Variants in TTN observed in about 807,000 individuals in gnomAD.
The protein encoded by TTN is titin, also known as connectin.
TTN carries 1,525 observed loss-of-function variants against 3,223.0 expected under a neutral mutation model. That is an observed-to-expected ratio of 0.47 (90% CI 0.45 to 0.49). TTN has a LOEUF of 0.49. Ranked by LOEUF, TTN falls within the 20% of genes least tolerant of loss-of-function variation. TTN has a pLI of 0.00. For missense variants in TTN, 40,786 were observed against 43,424.0 expected (o/e 0.94, Z 5.40); for synonymous variants, 14,094 against 15,161.0 (o/e 0.93, Z 5.17).
chr2:178,735,572 A>C lies in TTN; in HGVS notation c.14874T>G (p.Tyr4958Ter), dbSNP rs752146131. ...CAGCCTCATTTGAAGCTGTACAGAC[A>C]TAGGTTCCTGAATCTTTCAGTTTGG... The part of the protein sequence containing the change: ...PLAKLKDSGT[Y>*]VCTASNEAGS... Residue 4958 changes from tyrosine to a stop codon, truncating the protein, a stop_gained, in exon 50 of 363, where the codon TAT (tyrosine) becomes TAG (stop). Transcript: ENST00000589042. LOFTEE classifies it high-confidence loss of function. 1 of 1,612,742 alleles carries C rather than the reference A, an allele frequency of 6.2e-7. No individual in the cohort carries two copies. Among genetic ancestry groups the C allele is most frequent in the Admixed American group, 1.7e-5 (1 of 59,824 alleles).
chr2:178,596,775 G>T (rs1207831739), intron 294 of TTN, among the ~76,000 whole-genome samples: 1 of 151,992 alleles, frequency 6.6e-6, no homozygotes, highest in African/African-American at 2.4e-5. Flanking sequence ...AACTGTGGCT[G>T]GAGTATTGTT....
rs1309695265 is a variant in TTN, at chr2:178,567,193, T to C, written c.78939A>G (p.Gln26313=). ...AGTGAGAAATGTCACTGCCACCATC[T>C]TGAAGTGGTGGAGACCATGTTAAAG... ...KCSLTWSPPL[Q]DGGSDISHYV... The change falls in exon 326 of 363, where the codon CAA becomes CAG. Residue 26313 remains glutamine, a synonymous_variant. Transcript: ENST00000589042. The C allele has an allele frequency of 1.2e-6, 2 of 1,613,118 alleles. No individual in the cohort carries two copies. Among genetic ancestry groups the C allele is most frequent in the Non-Finnish European group, 1.7e-6 (2 of 1,179,380 alleles).
chr2:178,584,449 C>A lies in TTN; in HGVS notation c.65102G>T (p.Arg21701Ile), dbSNP rs756852802. The A allele has an allele frequency of 6.2e-7, 1 of 1,613,310 alleles. No homozygotes were observed. Among genetic ancestry groups the A allele is most frequent in the East Asian group, 2.2e-5 (1 of 44,714 alleles). ...IIGYLIERKERNSLLWVKAND... is the reference protein window; with the variant it reads ...IIGYLIERKEINSLLWVKAND... ...GGCTTTCACCCACAGCAAACTGTTT[C>A]TTTCCTTGCGTTCAATCAGATAACC... Residue 21701 changes from arginine to isoleucine, a missense_variant, in exon 311 of 363, where the codon AGA (arginine) becomes ATA (isoleucine). Physicochemically the swap from Arg to Ile is moderately conservative, Grantham distance 97. Transcript: ENST00000589042.
intron 133 of TTN, 91 bp from the exon 134 acceptor site, chr2:178,683,382 A>C (rs1460429661): frequency 1.2e-5 from 9 of 734,302 alleles, no homozygotes; most frequent in South Asian, 2.0e-5. Flanking sequence ...AAGGACAAAG[A>C]CAACCATAAC....
intron 1 of TTN, among the ~76,000 whole-genome samples, chr2:178,806,597 A>G (rs2094331366): frequency 6.6e-6 from 1 of 152,220 alleles, no homozygotes; most frequent in African/African-American, 2.4e-5. Context: ...TTGATCTTAC[A>G]TTCCTATTGT....
At position 178,526,555 on chromosome 2, in the gene TTN, A is replaced by G. The variant is rs1359077577; in HGVS notation, c.*457T>C. 6.5e-6 allele frequency: 1 copy of G among 154,180 alleles called. No homozygotes were observed. The highest frequency in any genetic ancestry group is 1.4e-5 in the Non-Finnish European group (1 of 69,168). The allele number at this position is 154,180 out of a possible 1,614,324, so 9.6% of individuals were successfully genotyped here. A position where few individuals can be genotyped will look rare whatever the true frequency, so the allele number is the denominator to read the frequency against. ...TGATTCAGTAGGTATTGGTGCACAT[A>G]TCAAGTGATATGCACAGCATCATTC... On this transcript the variant is annotated 3_prime_UTR_variant, in exon 363 of 363. Coordinates refer to ENST00000589042, the MANE Select transcript of TTN (RefSeq NM_001267550.2).
Position 178,730,755 on chromosome 2 carries a change from C to G in TTN, c.17778G>C (p.Lys5926Asn). ...IIPPSFTKKL[K>N]KMDSIKGSFI... ...AAGAACCTTTAATGCTGTCCATTTT[C>G]TTCAGCTTTTTGGTGAATGAAGGAG... Residue 5926 changes from lysine (K) to asparagine (N), a missense_variant, in exon 61 of 363, where the codon AAG becomes AAC. Coordinates refer to ENST00000589042, the MANE Select transcript of TTN (RefSeq NM_001267550.2). 1 of 1,607,310 alleles carries G rather than the reference C, an allele frequency of 6.2e-7. No individual in the cohort carries two copies. The highest frequency in any genetic ancestry group is 8.5e-7 in the Non-Finnish European group (1 of 1,175,306).
rs751253663 is a variant in TTN at position 178,729,531 on chromosome 2, C to G, written c.18625G>C (p.Glu6209Gln). 1 of 1,613,484 alleles carries G rather than the reference C, an allele frequency of 6.2e-7. No homozygotes were observed. Among genetic ancestry groups the G allele is most frequent in the Admixed American group, 1.7e-5 (1 of 59,982 alleles). ...PTFIRELKPV[E>Q]VVKYSDVELE... ...TCCACGTCACTATATTTTACTACCT[C>G]CACAGGCTTCAGCTCTCTGATAAAG... The change falls in exon 64 of 363, where the codon GAG becomes CAG. Residue 6209 changes from glutamate (E) to glutamine (Q), a missense_variant. Coordinates refer to ENST00000589042, the MANE Select transcript of TTN (RefSeq NM_001267550.2).
At chr2:178,698,752 T>C (rs1007935631) in intron 112 of TTN, 91 bp downstream of exon 112, 1 of 1,256,818 alleles carries the variant, frequency 8.0e-7, no homozygotes. Context: ...GATTGCAAAC[T>C]CTTACCCTTC....
chr2:178,583,106 T>C lies in TTN; in HGVS notation c.65697A>G (p.Lys21899=), dbSNP rs879177323. Residue 21899 remains lysine (K), a synonymous_variant, in exon 313 of 363, where the codon AAA becomes AAG. Coordinates refer to ENST00000589042, the MANE Select transcript of TTN (RefSeq NM_001267550.2). The part of the protein sequence containing the change: ...GKPMPTVSWK[K]DGTLLKPAEG... ...CTGCTGGTTTTAGCAGTGTGCCATC[T>C]TTTTTCCAAGAAACTGTTGGCATCG... 2 of 1,611,320 alleles carry C rather than the reference T, an allele frequency of 1.2e-6. No individual in the cohort carries two copies. Among genetic ancestry groups the C allele is most frequent in the Admixed American group, 3.3e-5 (2 of 59,780 alleles).
chr2:178,605,330 G>A (rs759528581), intron 279 of TTN, 35 bp from the exon 280 acceptor site: 1 of 1,536,052 alleles, frequency 6.5e-7, no homozygotes, highest in Non-Finnish European at 8.7e-7. Flanking sequence ...CAGTAACAAA[G>A]TCATAAGGAT....
chr2:178,733,600 G>A lies in TTN; in HGVS notation c.15775+14C>T, dbSNP rs151057960. The A allele has an allele frequency of 1.4e-4, 229 of 1,602,568 alleles. 1 individual carries two copies. Among genetic ancestry groups the A allele is most frequent in the Non-Finnish European group, 1.8e-4 (213 of 1,172,380 alleles). ...CTAAATAGCAATTTGAGGTTTAAAT[G>A]TTCCTACACAAACCTTTAACTATTA... On this transcript the variant is annotated intron_variant, in intron 53 of 362. Transcript: ENST00000589042.
At chr2:178,682,975 G>C in intron 134 of TTN, 72 bp from the exon 135 acceptor site, 1 of 1,359,554 alleles carries the variant, frequency 7.4e-7, no homozygotes, top group Non-Finnish European at 1.0e-6. Context: ...GTAACAATGT[G>C]CTTTGATTTT....
intron 47 of TTN, chr2:178,750,993 G>C: frequency 5.0e-6 from 8 of 1,612,456 alleles, no homozygotes; most frequent in Non-Finnish European, 6.8e-6. Context: ...ATTTCAGTCT[G>C]GAAAATTTCT....
At position 178,728,449 on chromosome 2, in the gene TTN, A is replaced by G. The variant is rs72648955; in HGVS notation, c.19426+51T>C. ...TCCATTAATCTCTTGCTATTTGTTT[A>G]CAAAGGACATACTATAAATAAGGGA... On this transcript the variant is annotated intron_variant, in intron 66 of 362. Transcript: ENST00000589042. 2.5e-3 allele frequency: 3,911 copies of G among 1,582,596 alleles called. 6 individuals carry two copies. The highest frequency in any genetic ancestry group is 3.1e-3 in the Non-Finnish European group (3,579 of 1,163,104).
At position 178,561,454 on chromosome 2, in the gene TTN, C is replaced by T. The variant is rs1703629790; in HGVS notation, c.84678G>A (p.Glu28226=). The T allele has an allele frequency of 6.2e-7, 1 of 1,613,846 alleles. No individual in the cohort carries two copies. Among genetic ancestry groups the T allele is most frequent in the Non-Finnish European group, 8.5e-7 (1 of 1,179,790 alleles). The stretch of plus-strand genomic sequence containing the variant: ...CAATATTTTCAGCATATACACGATA[C>T]TCATACATCAGTCCTTCATCAAGGC... ...VSGLDEGLMY[E]YRVYAENIAG... Residue 28226 remains glutamate (E), a synonymous_variant, in exon 326 of 363, where the codon GAG becomes GAA. Coordinates refer to ENST00000589042, the MANE Select transcript of TTN (RefSeq NM_001267550.2).
intron 41 of TTN, among the ~76,000 whole-genome samples, chr2:178,765,253 C>T (rs531277921): frequency 2.6e-5 from 4 of 152,260 alleles, no homozygotes; most frequent in African/African-American, 7.2e-5. Context: ...ATGTCATAGT[C>T]ATTTTGTTAT....
At position 178,706,678 on chromosome 2, in the gene TTN, T is replaced by C. The variant is rs1320507977; in HGVS notation, c.29196A>G (p.Thr9732=). 5.6e-6 allele frequency: 9 copies of C among 1,613,724 alleles called. No individual in the cohort carries two copies. Among genetic ancestry groups the C allele is most frequent in the Non-Finnish European group, 7.6e-6 (9 of 1,179,776 alleles). ...GGTTCAGCTGTCTCCACTTCCCTTTTGTCCATTTAACATTTGGGATTGGGT... is the reference window on the plus strand; with the variant it reads ...GGTTCAGCTGTCTCCACTTCCCTTTCGTCCATTTAACATTTGGGATTGGGT... ...GGDPIPNVKW[T]KGKWRQLNQG... Residue 9732 remains threonine, a synonymous_variant, in exon 102 of 363, where the codon ACA becomes ACG. Coordinates refer to ENST00000589042, the MANE Select transcript of TTN (RefSeq NM_001267550.2).
Position 178,654,265 on chromosome 2 carries a change from G to C in TTN, c.38323C>G (p.Leu12775Val). 6.3e-7 allele frequency: 1 copy of C among 1,599,630 alleles called. No individual in the cohort carries two copies. The highest frequency in any genetic ancestry group is 8.5e-7 in the Non-Finnish European group (1 of 1,177,728). The change falls in exon 193 of 363, where the codon CTT (leucine) becomes GTT (valine). Residue 12775 changes from leucine (L) to valine (V), a missense_variant. Coordinates refer to ENST00000589042, the MANE Select transcript of TTN (RefSeq NM_001267550.2). ...KVPEAPKEVV[L>V]EKKVSVAVPK... The stretch of plus-strand genomic sequence containing the variant: ...ACAGCCACAGATACTTTCTTTTCAA[G>C]TACAACTTCTTTAGGAGCTTCAGGA...
Sources: allele counts gnomAD v4.1 joint callset (sites outside exome capture counted in the v4.1 genomes callset), GRCh38; gene constraint gnomAD v4.1.1; transcripts MANE v1.5; gene names NCBI Gene and HGNC (gene_info 2026-07-23, HGNC 2026-07-21).